Variants in CTNNBL1 observed in about 807,000 individuals in gnomAD.
CTNNBL1 encodes the protein beta-catenin-like protein 1.
A neutral mutation model predicts 72.7 loss-of-function variants in CTNNBL1; 31 were observed. The observed-to-expected ratio is 0.43, with a 90% confidence interval of 0.32 to 0.58. CTNNBL1 has a LOEUF of 0.58. Among genes scored for constraint, CTNNBL1 ranks in the 20% least tolerant of loss-of-function variants. The probability of loss-of-function intolerance (pLI) is 0.08; values close to 1 mark genes in which losing one functional copy is unlikely to be tolerated. For missense variants in CTNNBL1, 534 were observed against 725.1 expected (o/e 0.74, Z 3.03); for synonymous variants, 240 against 267.3 (o/e 0.90, Z 1.00).
At position 37,794,913 on chromosome 20, in the gene CTNNBL1, A is replaced by G. The variant is rs1476744220; in HGVS notation, c.1032-7954A>G. ...CGGTACTCTTAGTTGCTCCACTGGC[A>G]TCTGGCTTTCTTGGTTTTTGATGAG... On this transcript the variant is annotated intron_variant, in intron 10 of 15. Coordinates refer to ENST00000361383, the MANE Select transcript of CTNNBL1 (RefSeq NM_030877.5). Among the ~76,000 whole-genome samples the G allele has an allele frequency of 2.0e-5, 3 of 151,938 alleles. No homozygotes were observed. In the East Asian group the frequency reaches 5.8e-4, roughly 29 times the overall value.
At chr20:37,863,975 C>G (rs1462741767) in intron 15 of CTNNBL1, among the ~76,000 whole-genome samples, 1 of 152,198 alleles carries the variant, frequency 6.6e-6, no homozygotes. Flanking sequence ...GGAAGCCAGT[C>G]TGCAGCAGGG....
At chr20:37,736,076 C>T (rs776145655) in intron 2 of CTNNBL1, among the ~76,000 whole-genome samples, 6 of 152,040 alleles carry the variant, frequency 3.9e-5, no homozygotes, top group Non-Finnish European at 4.4e-5. Context: ...GGTATTATTC[C>T]AATGTATGAA....
chr20:37,855,756 A>G (rs559831048), intron 13 of CTNNBL1, among the ~76,000 whole-genome samples: 2 of 152,270 alleles, frequency 1.3e-5, no homozygotes, highest in South Asian at 4.1e-4. Flanking sequence ...GTAGCCCATC[A>G]TATCTGACTT....
chr20:37,793,834 G>A (rs993517053), intron 10 of CTNNBL1, among the ~76,000 whole-genome samples: 1 of 152,054 alleles, frequency 6.6e-6, no homozygotes, highest in Non-Finnish European at 1.5e-5. Flanking sequence ...AGGCTGGAGT[G>A]CAGTGGCGTG....
rs141020662 is a variant in CTNNBL1 at position 37,741,133 on chromosome 20, A to C, written c.326+3649A>C. Among the ~76,000 whole-genome samples the C allele has an allele frequency of 4.9e-3, 743 of 152,328 alleles. 8 individuals carry two copies. Among genetic ancestry groups the C allele is most frequent in the African/African-American group, 0.017 (702 of 41,568 alleles). On this transcript the variant is annotated intron_variant, in intron 3 of 15. Coordinates refer to ENST00000361383, the MANE Select transcript of CTNNBL1 (RefSeq NM_030877.5). ...CATATTAGATGGAATCGATGACCCC[A>C]TCTCAGCCTGGGTTACTGTTTTAAT...
At chr20:37,771,968 A>G (rs2073528764) in intron 7 of CTNNBL1, among the ~76,000 whole-genome samples, 1 of 152,022 alleles carries the variant, frequency 6.6e-6, no homozygotes, top group African/African-American at 2.4e-5. Context: ...ATAAAAAATC[A>G]ACACCTTCAT....
Position 37,859,951 on chromosome 20 carries a change from A to G in CTNNBL1, c.1445A>G (p.Tyr482Cys), listed in dbSNP as rs1211579436. ...GACAATGACACCGAGGAGGAGTTCT[A>G]CCTCCGGCGCCTGGATGCGGGGCTC... ...IIDNDTEEEF[Y>C]LRRLDAGLFV... is the part of the protein sequence containing the mutation. The change falls in exon 14 of 16, where the codon TAC becomes TGC. Residue 482 changes from tyrosine (Y) to cysteine (C), a missense_variant. Coordinates refer to ENST00000361383, the MANE Select transcript of CTNNBL1 (RefSeq NM_030877.5). The G allele has an allele frequency of 2.5e-6, 4 of 1,613,948 alleles. No individual in the cohort carries two copies. Among genetic ancestry groups the G allele is most frequent in the African/African-American group, 1.3e-5 (1 of 74,872 alleles).
intron 3 of CTNNBL1, 44 bp downstream of exon 3, chr20:37,737,528 T>A (rs767893449): frequency 7.4e-7 from 1 of 1,350,812 alleles, no homozygotes; most frequent in Non-Finnish European, 1.0e-6. Flanking sequence ...CTGTGGCGTT[T>A]CGTTGGCTAA....
At chr20:37,758,843 T>A (rs935428106) in intron 5 of CTNNBL1, among the ~76,000 whole-genome samples, 10 of 152,224 alleles carry the variant, frequency 6.6e-5, no homozygotes, top group Non-Finnish European at 1.0e-4. Flanking sequence ...TACTTTCTAG[T>A]CCTACCCAAG....
intron 15 of CTNNBL1, among the ~76,000 whole-genome samples, chr20:37,862,907 G>A (rs56132947): frequency 0.31 from 46,967 of 151,762 alleles, 8,171 homozygotes; most frequent in South Asian, 0.41. Flanking sequence ...CTTTCCATCC[G>A]AGCCCTTATC....
At chr20:37,757,849 G>A (rs1399795673) in intron 5 of CTNNBL1, among the ~76,000 whole-genome samples, 193 bp downstream of exon 5, 1 of 152,212 alleles carries the variant, frequency 6.6e-6, no homozygotes, top group African/African-American at 2.4e-5. Context: ...GACTGTGTCA[G>A]GTAGAGGCCT....
At chr20:37,867,700 T>TGCACACAG (rs1555836042) in intron 15 of CTNNBL1, among the ~76,000 whole-genome samples, 1 of 152,012 alleles carries the variant, frequency 6.6e-6, no homozygotes, top group African/African-American at 2.4e-5. Context: ...TACATACACA[T>TGCACACAG]GCACACACGC....
intron 4 of CTNNBL1, among the ~76,000 whole-genome samples, chr20:37,755,235 G>T (rs1200852224): frequency 6.6e-6 from 1 of 152,170 alleles, no homozygotes; most frequent in Non-Finnish European, 1.5e-5. Flanking sequence ...AAAAATGGCG[G>T]CTATTATTAT....
Position 37,835,724 on chromosome 20 carries a change from G to T in CTNNBL1, c.1214-4378G>T, listed in dbSNP as rs139395546. On this transcript the variant is annotated intron_variant, in intron 11 of 15. Coordinates refer to ENST00000361383, the MANE Select transcript of CTNNBL1 (RefSeq NM_030877.5). ...ATTGCAGCATTGCTTCTAATAGCAA[G>T]AATAAAATAACGCAAAACTGGAAAC... Among the ~76,000 whole-genome samples, 233 of 152,262 alleles carry T rather than the reference G, an allele frequency of 1.5e-3. 1 individual carries two copies. The highest frequency in any genetic ancestry group is 5.4e-3 in the African/African-American group (224 of 41,552).
intron 11 of CTNNBL1, among the ~76,000 whole-genome samples, chr20:37,833,163 A>G (rs766568554): frequency 2.0e-5 from 3 of 152,164 alleles, no homozygotes; most frequent in African/African-American, 4.8e-5. Flanking sequence ...TATTGTTTCC[A>G]TACTCAGAAC....
intron 3 of CTNNBL1, among the ~76,000 whole-genome samples, chr20:37,745,090 A>G (rs949469797): frequency 2.6e-5 from 4 of 152,252 alleles, no homozygotes; most frequent in African/African-American, 9.6e-5. Context: ...TTTTCTACAA[A>G]AAGTATACTG....
intron 1 of CTNNBL1, among the ~76,000 whole-genome samples, chr20:37,703,501 ACT>A (rs1304796051): frequency 1.3e-5 from 2 of 151,980 alleles, no homozygotes; most frequent in African/African-American, 4.8e-5. Context: ...TGACTCTGTA[ACT>A]CTCTTCTTCA....
intron 1 of CTNNBL1, among the ~76,000 whole-genome samples, chr20:37,708,830 T>G (rs1406451735): frequency 6.6e-6 from 1 of 151,926 alleles, no homozygotes; most frequent in Non-Finnish European, 1.5e-5. Flanking sequence ...ATATCTAGAG[T>G]CACTGAACTA....
chr20:37,784,090 C>T (rs187227391), intron 10 of CTNNBL1, among the ~76,000 whole-genome samples: 4 of 152,198 alleles, frequency 2.6e-5, no homozygotes, highest in Admixed American at 6.5e-5. Flanking sequence ...GTCCCTTTAC[C>T]GTTATGTAAT....
Sources: allele counts gnomAD v4.1 joint callset (sites outside exome capture counted in the v4.1 genomes callset), GRCh38; gene constraint gnomAD v4.1.1; transcripts MANE v1.5; gene names NCBI Gene and HGNC (gene_info 2026-07-23, HGNC 2026-07-21).